CHRNA6: variants seen among roughly 807,000 people sequenced by gnomAD.
CHRNA6 encodes the protein cholinergic receptor nicotinic alpha 6 subunit.
CHRNA6 carries 31 observed loss-of-function variants against 40.9 expected under a neutral mutation model. The observed-to-expected ratio is 0.76, with a 90% CI of 0.57 to 1.02. The LOEUF (loss-of-function observed/expected upper bound fraction) is 1.02, where lower values mean the gene tolerates loss of function less well. Ranked by LOEUF, CHRNA6 falls within the 50% of genes least tolerant of loss-of-function variation. The pLI is 0.00. For synonymous variants in CHRNA6, 222 were observed against 221.3 expected, an observed-to-expected ratio of 1.00 and a Z score of -0.03; for missense variants, 546 against 596.6, an observed-to-expected ratio of 0.92 and a Z score of 0.88.
chr8:42,755,654 T>C (rs1252839361), intron 5 of CHRNA6, among the ~76,000 whole-genome samples, 192 bp downstream of exon 5: 2 of 152,194 alleles, frequency 1.3e-5, no homozygotes, highest in Non-Finnish European at 2.9e-5. Flanking sequence ...CTATTGCACC[T>C]GACCCCGCTC....
intron 3 of CHRNA6, among the ~76,000 whole-genome samples, chr8:42,757,719 C>A (rs560121656): frequency 8.3e-6 from 1 of 121,172 alleles, no homozygotes; most frequent in African/African-American, 3.4e-5. Flanking sequence ...GGCGACGGAC[C>A]GGGACTCTGT....
chr8:42,764,833 C>T, intron 2 of CHRNA6: 2 of 520,982 alleles, frequency 3.8e-6, no homozygotes, highest in Non-Finnish European at 6.9e-6. Flanking sequence ...CCCTTTCACT[C>T]CCCTGCAACT....
In CHRNA6 at chr8:42,755,817, C is replaced by G. The variant is rs367997703; in HGVS notation, c.1353+29G>C. On this transcript the variant is annotated intron_variant, in intron 5 of 5. Coordinates refer to ENST00000276410, the MANE Select transcript of CHRNA6 (RefSeq NM_004198.3). ...GCCCATAGGCTGCAAAGGGTGCAAGCTGGCTGGGTGGAGGGAACACACATT... is the reference window on the plus strand; with the variant it reads ...GCCCATAGGCTGCAAAGGGTGCAAGGTGGCTGGGTGGAGGGAACACACATT... The G allele has an allele frequency of 4.4e-6, 7 of 1,593,342 alleles. No homozygotes were observed. The African/African-American group carries it at 6.7e-5, about 15-fold the overall frequency.
At chr8:42,763,886 T>G (rs1816937976) in intron 2 of CHRNA6, among the ~76,000 whole-genome samples, 1 of 151,910 alleles carries the variant, frequency 6.6e-6, no homozygotes, top group Admixed American at 6.6e-5. Flanking sequence ...CTCATGCCTG[T>G]CATTAGGGTC....
intron 5 of CHRNA6, among the ~76,000 whole-genome samples, chr8:42,754,102 C>A (rs1036865026): frequency 6.6e-6 from 1 of 152,152 alleles, no homozygotes; most frequent in African/African-American, 2.4e-5. Flanking sequence ...GACCCTCCAG[C>A]CTTCTGCCAC....
intron 2 of CHRNA6, among the ~76,000 whole-genome samples, chr8:42,763,259 G>T (rs774838157): frequency 1.3e-5 from 2 of 152,150 alleles, no homozygotes; most frequent in Non-Finnish European, 2.9e-5. Flanking sequence ...CAGTCCGTTG[G>T]AGTGACATCC....
In CHRNA6 at chr8:42,768,448, A is replaced by T; in HGVS notation, c.-18T>A. On this transcript the variant is annotated 5_prime_UTR_variant, in exon 1 of 6. Transcript: ENST00000276410. ...GTCAGCATGGTTAAAACACACTTGG[A>T]TTCCTTTTTCCTAGGCAAAGGATTG... The T allele has an allele frequency of 1.2e-6, 2 of 1,606,446 alleles. No individual in the cohort carries two copies. Among genetic ancestry groups the T allele is most frequent in the Non-Finnish European group, 1.7e-6 (2 of 1,173,130 alleles).
At chr8:42,760,542 A>C (rs1335126379) in intron 2 of CHRNA6, among the ~76,000 whole-genome samples, 3 of 150,960 alleles carry the variant, frequency 2.0e-5, no homozygotes, top group Admixed American at 2.0e-4. Flanking sequence ...ACTCATACCC[A>C]CTCACACTCA....
rs534210518 is a variant in CHRNA6, at chr8:42,760,500, T to A, written c.220-1387A>T. ...TGCATACTCACTCATGCACATGCAC[T>A]CACTCATGCACATGCACACGCTCAT... On this transcript the variant is annotated intron_variant, in intron 2 of 5. Transcript: ENST00000276410. Among the ~76,000 whole-genome samples, 3 of 151,070 alleles carry A rather than the reference T, an allele frequency of 2.0e-5. No individual in the cohort carries two copies. In the East Asian group the frequency reaches 5.9e-4, roughly 30 times the overall value.
At chr8:42,766,416 T>C (rs962089885) in intron 1 of CHRNA6, among the ~76,000 whole-genome samples, 6 of 151,898 alleles carry the variant, frequency 4.0e-5, no homozygotes, top group African/African-American at 1.5e-4. Context: ...GGCATGAACC[T>C]GGGAGGCGGA....
At position 42,768,178 on chromosome 8, in the gene CHRNA6, G is replaced by A. The variant is rs117516096; in HGVS notation, c.79+174C>T. 2.3e-3 allele frequency among the ~76,000 whole-genome samples: 351 copies of A among 152,154 alleles called. 10 individuals carry two copies. The East Asian group carries it at 0.06, about 26-fold the overall frequency. ...CCCTACCCCTCAGATTTCATCTTTTGTATTACACCTAACAAATAAAAACCA... is the reference window on the plus strand; with the variant it reads ...CCCTACCCCTCAGATTTCATCTTTTATATTACACCTAACAAATAAAAACCA... On this transcript the variant is annotated intron_variant, in intron 1 of 5. Transcript: ENST00000276410.
intron 1 of CHRNA6, among the ~76,000 whole-genome samples, chr8:42,766,309 G>A (rs367556749): frequency 4.6e-5 from 7 of 152,190 alleles, no homozygotes; most frequent in Non-Finnish European, 7.4e-5. Context: ...TGGCTAACAC[G>A]GTGAAACCCC....
intron 5 of CHRNA6, among the ~76,000 whole-genome samples, chr8:42,754,098 C>T (rs992435850): frequency 6.6e-6 from 1 of 152,140 alleles, no homozygotes; most frequent in African/African-American, 2.4e-5. Context: ...TCCTGACCCT[C>T]CAGCCTTCTG....
intron 5 of CHRNA6, 122 bp downstream of exon 5, chr8:42,755,724 C>G: frequency 8.6e-7 from 1 of 1,160,866 alleles, no homozygotes; most frequent in Non-Finnish European, 1.2e-6. Context: ...AGCCAGGTCT[C>G]AGAGCAAGGC....
chr8:42,755,734 C>T, intron 5 of CHRNA6, 112 bp downstream of exon 5: 1 of 1,256,990 alleles, frequency 8.0e-7, no homozygotes, highest in Non-Finnish European at 1.1e-6. Flanking sequence ...CAGAGCAAGG[C>T]CGCCTGACCC....
chr8:42,761,213 A>T (rs1207335224), intron 2 of CHRNA6, among the ~76,000 whole-genome samples: 1 of 152,216 alleles, frequency 6.6e-6, no homozygotes, highest in Non-Finnish European at 1.5e-5. Context: ...AGGTCAGCAA[A>T]GGAGTTACAG....
chr8:42,764,959 C>CA, intron 2 of CHRNA6, 106 bp downstream of exon 2: 1 of 1,266,394 alleles, frequency 7.9e-7, no homozygotes, highest in Non-Finnish European at 1.1e-6. Context: ...TTTGAAGGGC[C>CA]AGATCTCGTG....
chr8:42,758,711 G>T (rs907665195), intron 3 of CHRNA6, among the ~76,000 whole-genome samples: 1 of 152,128 alleles, frequency 6.6e-6, no homozygotes, highest in Non-Finnish European at 1.5e-5. Context: ...CCAGCTGCTG[G>T]GAATCTCATG....
intron 5 of CHRNA6, among the ~76,000 whole-genome samples, chr8:42,753,868 C>T (rs995132429): frequency 1.3e-5 from 2 of 152,096 alleles, no homozygotes; most frequent in African/African-American, 4.8e-5. Flanking sequence ...CTGCAAGAAA[C>T]GCTCCAGAGA....
Sources: allele counts gnomAD v4.1 joint callset (sites outside exome capture counted in the v4.1 genomes callset), GRCh38; gene constraint gnomAD v4.1.1; transcripts MANE v1.5; gene names NCBI Gene and HGNC (gene_info 2026-07-23, HGNC 2026-07-21).